The following TRAPPC9 variants were observed in gnomAD, a reference collection of about 807,000 sequenced individuals.
TRAPPC9 encodes IKK2 binding protein.
TRAPPC9 carries 83 observed loss-of-function variants against 124.0 expected under a neutral mutation model. That is an observed-to-expected ratio of 0.67 (90% confidence interval 0.56 to 0.80). The LOEUF (loss-of-function observed/expected upper bound fraction) is 0.80. Among genes scored for constraint, TRAPPC9 ranks in the 30% least tolerant of loss-of-function variants. The probability of loss-of-function intolerance (pLI) is 0.00; values close to 1 mark genes in which losing one functional copy is unlikely to be tolerated. For synonymous variants in TRAPPC9, 638 were observed against 617.5 expected (o/e 1.03, Z -0.49); for missense variants, 1,302 against 1,508.3 (o/e 0.86, Z 2.27).
At chr8:140,185,996 T>G (rs932924993) in intron 17 of TRAPPC9, among the ~76,000 whole-genome samples, 2 of 152,146 alleles carry the variant, frequency 1.3e-5, no homozygotes, top group Non-Finnish European at 2.9e-5. Context: ...AGGAGGACCC[T>G]TCCATGCCTC....
chr8:140,068,724 A>G (rs1427810899), intron 17 of TRAPPC9, among the ~76,000 whole-genome samples: 1 of 152,178 alleles, frequency 6.6e-6, no homozygotes, highest in Non-Finnish European at 1.5e-5. Flanking sequence ...GTTTACCACA[A>G]ACAGCACTAC....
At position 140,311,321 on chromosome 8, in the gene TRAPPC9, T is replaced by C; in HGVS notation, c.1549A>G (p.Thr517Ala). ...LENYTSKCPG[T>A]MEPIALPGGL... ...CCAGGGAGGGCGATGGGCTCCATGGTCCCAGGACACTTGGACGTATAGTTC... is the reference window on the plus strand; with the variant it reads ...CCAGGGAGGGCGATGGGCTCCATGGCCCCAGGACACTTGGACGTATAGTTC... Residue 517 changes from threonine (T) to alanine (A), a missense_variant, in exon 10 of 23, where the codon ACC becomes GCC. Physicochemically the swap from Thr to Ala is moderately conservative, Grantham distance 58. Around this residue, in one of 3 missense-constraint regions of TRAPPC9, gnomAD observed 657 missense variants for 811.2 expected, o/e 0.81. Transcript: ENST00000438773. 1.2e-6 allele frequency: 2 copies of C among 1,613,994 alleles called. No homozygotes were observed. Among genetic ancestry groups the C allele is most frequent in the South Asian group, 2.2e-5 (2 of 91,092 alleles).
intron 3 of TRAPPC9, among the ~76,000 whole-genome samples, chr8:140,438,246 G>C: frequency 6.6e-6 from 1 of 152,202 alleles, no homozygotes; most frequent in African/African-American, 2.4e-5. Flanking sequence ...CATATATATA[G>C]AATCATACAA....
intron 19 of TRAPPC9, among the ~76,000 whole-genome samples, chr8:139,963,202 A>AT (rs1250750325): frequency 6.6e-6 from 1 of 152,156 alleles, no homozygotes; most frequent in East Asian, 1.9e-4. Flanking sequence ...GAAATCGGTG[A>AT]TAATACTGCT....
rs79782718 is a variant in TRAPPC9 at position 139,850,368 on chromosome 8, T to C, written c.3055+35511A>G. On this transcript the variant is annotated intron_variant, in intron 21 of 22. Transcript: ENST00000438773. ...ACCCAGGGCTCCTGACTCGCAGAGT[T>C]CAGTGTTCTTTCCAGATAGCCCAAA... Among the ~76,000 whole-genome samples the C allele has an allele frequency of 4.6e-3, 707 of 152,310 alleles. 7 individuals carry two copies. Among genetic ancestry groups the C allele is most frequent in the African/African-American group, 0.016 (645 of 41,560 alleles).
rs564742738 is a variant in TRAPPC9, at chr8:140,026,771, A to T, written c.2557-2692T>A. Among the ~76,000 whole-genome samples, 3 of 152,288 alleles carry T rather than the reference A, an allele frequency of 2.0e-5. No homozygotes were observed. The South Asian group carries it at 6.2e-4, about 32-fold the overall frequency. Reference sequence around the variant, plus strand: ...CCTTCAATATTTGTACTGCCAGAGAAATACCTTCACTGATTCTCTCCACCT... The same window carrying T: ...CCTTCAATATTTGTACTGCCAGAGATATACCTTCACTGATTCTCTCCACCT... On this transcript the variant is annotated intron_variant, in intron 17 of 22. Transcript: ENST00000438773.
At chr8:140,119,320 G>A (rs1253199508) in intron 17 of TRAPPC9, among the ~76,000 whole-genome samples, 1 of 152,202 alleles carries the variant, frequency 6.6e-6, no homozygotes, top group South Asian at 2.1e-4. Flanking sequence ...AAACAAAAAT[G>A]TTATGCATGA....
chr8:140,165,610 G>A (rs1453351336), intron 17 of TRAPPC9, among the ~76,000 whole-genome samples: 2 of 115,092 alleles, frequency 1.7e-5, no homozygotes, highest in Non-Finnish European at 3.4e-5. Context: ...GGGGAAGGGG[G>A]CAAGGAGGGA....
At chr8:140,344,969 C>T (rs73372846) in intron 9 of TRAPPC9, among the ~76,000 whole-genome samples, 107 of 152,346 alleles carry the variant, frequency 7.0e-4, no homozygotes, top group African/African-American at 2.4e-3. Context: ...TGGGGCCTGA[C>T]GGCGGGGAAG....
intron 2 of TRAPPC9, among the ~76,000 whole-genome samples, chr8:140,443,903 G>T (rs1485149325): frequency 6.6e-6 from 1 of 151,728 alleles, no homozygotes; most frequent in African/African-American, 2.4e-5. Context: ...AGGCGTGGTG[G>T]CGGGCTCCTG....
intron 18 of TRAPPC9, among the ~76,000 whole-genome samples, chr8:140,001,856 T>C (rs190950488): frequency 3.0e-4 from 46 of 152,292 alleles, no homozygotes; most frequent in Non-Finnish European, 6.3e-4. Flanking sequence ...AAACACATCA[T>C]ATAATCCAGT....
At chr8:140,299,510 C>T (rs1364161980) in intron 11 of TRAPPC9, among the ~76,000 whole-genome samples, 3 of 152,258 alleles carry the variant, frequency 2.0e-5, no homozygotes, top group African/African-American at 7.2e-5. Flanking sequence ...CAGAGCGCCG[C>T]GGTTGCGCAG....
At chr8:140,190,183 C>A (rs1040439802) in intron 17 of TRAPPC9, among the ~76,000 whole-genome samples, 3 of 152,140 alleles carry the variant, frequency 2.0e-5, no homozygotes, top group African/African-American at 7.2e-5. Context: ...CGGCCAGGCG[C>A]GGTAGCTCAC....
At chr8:140,292,449 T>C (rs1455528206) in intron 11 of TRAPPC9, among the ~76,000 whole-genome samples, 1 of 152,182 alleles carries the variant, frequency 6.6e-6, no homozygotes, top group Non-Finnish European at 1.5e-5. Flanking sequence ...GCTTCTTCTC[T>C]AGCAGATAAG....
intron 5 of TRAPPC9, among the ~76,000 whole-genome samples, chr8:140,421,672 A>C (rs528645232): frequency 4.6e-5 from 7 of 152,196 alleles, no homozygotes; most frequent in Non-Finnish European, 7.3e-5. Context: ...ACAACAGGAA[A>C]AAAAGGAAGA....
intron 16 of TRAPPC9, among the ~76,000 whole-genome samples, chr8:140,232,570 T>C (rs2063626542): frequency 6.6e-6 from 1 of 152,190 alleles, no homozygotes; most frequent in Admixed American, 6.5e-5. Flanking sequence ...GCACTAGATA[T>C]GGAGTCGAAG....
intron 17 of TRAPPC9, among the ~76,000 whole-genome samples, chr8:140,131,686 T>C (rs1043419468): frequency 6.6e-6 from 1 of 152,188 alleles, no homozygotes; most frequent in Non-Finnish European, 1.5e-5. Flanking sequence ...ACCTGTTCTT[T>C]CACAAAGAAC....
chr8:140,032,464 G>A (rs1364321102), intron 17 of TRAPPC9, among the ~76,000 whole-genome samples: 2 of 150,348 alleles, frequency 1.3e-5, no homozygotes, highest in African/African-American at 2.5e-5. Context: ...AATTACACAT[G>A]CTGTCCACCT....
rs571677148 is a variant in TRAPPC9, at chr8:139,869,459, C to A, written c.3055+16420G>T. Among the ~76,000 whole-genome samples the A allele has an allele frequency of 2.6e-5, 4 of 152,314 alleles. No individual in the cohort carries two copies. The South Asian group carries it at 8.3e-4, about 32-fold the overall frequency. ...ATCATGGGACACACACATGTCACAT[C>A]AATACAAGATCACTCATGGTGCAAT... On this transcript the variant is annotated intron_variant, in intron 21 of 22. Coordinates refer to ENST00000438773, the MANE Select transcript of TRAPPC9 (RefSeq NM_001160372.4).
Sources: gnomAD v4.1 joint callset for allele counts (sites outside exome capture counted in the v4.1 genomes callset) on GRCh38, gnomAD v4.1.1 for gene constraint, gnomAD v4.1.1 regional missense constraint, MANE v1.5 for transcripts, NCBI Gene and HGNC (gene_info 2026-07-23, HGNC 2026-07-21) for gene names.